Variants in IPMK observed in about 807,000 individuals in gnomAD.
The protein encoded by IPMK is inositol 1,3,4,6-tetrakisphosphate 5-kinase.
IPMK carries 17 observed loss-of-function variants against 45.8 expected under a neutral mutation model. That is an observed-to-expected ratio of 0.37 (90% CI 0.25 to 0.56). The LOEUF is 0.56. Among genes scored for constraint, IPMK ranks in the 20% least tolerant of loss-of-function variants. IPMK has a pLI of 0.79. For synonymous variants in IPMK, 180 were observed against 184.3 expected (o/e 0.98, Z 0.19); for missense variants, 399 against 498.0 (o/e 0.80, Z 1.89).
chr10:58,227,796 A>G (rs573729264), intron 2 of IPMK, among the ~76,000 whole-genome samples: 1 of 151,912 alleles, frequency 6.6e-6, no homozygotes, highest in East Asian at 1.9e-4. Context: ...ACTAGATTCT[A>G]GTTTTCCTAG....
intron 1 of IPMK, among the ~76,000 whole-genome samples, chr10:58,255,257 C>T (rs377002682): frequency 5.9e-5 from 9 of 152,342 alleles, no homozygotes; most frequent in African/African-American, 2.2e-4. Context: ...GTTGGTTCAG[C>T]CCTTCTGGCA....
chr10:58,235,837 AAG>A (rs374625023), intron 2 of IPMK, among the ~76,000 whole-genome samples: 1 of 152,152 alleles, frequency 6.6e-6, no homozygotes, highest in Non-Finnish European at 1.5e-5. Context: ...AAGAAAAAGA[AAG>A]AGAGAGACAA....
At chr10:58,208,984 GCGGGAAAA>G in intron 4 of IPMK, among the ~76,000 whole-genome samples, 1 of 152,304 alleles carries the variant, frequency 6.6e-6, no homozygotes, top group African/African-American at 2.4e-5. Flanking sequence ...TACCAAGTCA[GCGGGAAAA>G]CTATTTACCT....
intron 4 of IPMK, among the ~76,000 whole-genome samples, chr10:58,201,443 T>C (rs1837997106): frequency 6.6e-6 from 1 of 152,188 alleles, no homozygotes; most frequent in Non-Finnish European, 1.5e-5. Context: ...ACTCCTGTGA[T>C]TATTTTGGGA....
chr10:58,204,005 T>G (rs1190187106), intron 4 of IPMK, among the ~76,000 whole-genome samples: 2 of 152,230 alleles, frequency 1.3e-5, no homozygotes, highest in Non-Finnish European at 2.9e-5. Context: ...AACGCTCAGA[T>G]GATCATTAGT....
rs188213208 is a variant in IPMK, at chr10:58,245,395, C to T, written c.191-7581G>A. 1.9e-3 allele frequency among the ~76,000 whole-genome samples: 295 copies of T among 152,048 alleles called. 5 individuals carry two copies. Among genetic ancestry groups the T allele is most frequent in the Admixed American group, 0.016 (241 of 15,292 alleles). On this transcript the variant is annotated intron_variant, in intron 1 of 5. Coordinates refer to ENST00000373935, the MANE Select transcript of IPMK (RefSeq NM_152230.5). ...CTGGGAGGCCAAGACAGCCGGATCA[C>T]GAGGTCAGGAGTTCAAAACCATCCT...
At chr10:58,266,793 T>C (rs922052727) in intron 1 of IPMK, among the ~76,000 whole-genome samples, 2 of 152,156 alleles carry the variant, frequency 1.3e-5, no homozygotes, top group Non-Finnish European at 2.9e-5. Context: ...TCTGGTACAA[T>C]ATGCGTGTGA....
rs1009694216 is a variant in IPMK at position 58,203,675 on chromosome 10, T to C, written c.547-4354A>G. On this transcript the variant is annotated intron_variant, in intron 4 of 5. Transcript: ENST00000373935. ...GGTTTCTTGAGATGGAATCTACTCC[T>C]AGTAAAGATGTTGTAAACATTGTTG... is the stretch of plus-strand genomic sequence containing the variant. Among the ~76,000 whole-genome samples the C allele has an allele frequency of 3.9e-5, 6 of 152,310 alleles. No individual in the cohort carries two copies. The East Asian group carries it at 1.2e-3, about 29-fold the overall frequency.
intron 1 of IPMK, among the ~76,000 whole-genome samples, chr10:58,253,741 AAAAAAAAAAG>A (rs923344321): frequency 7.9e-5 from 11 of 139,418 alleles, no homozygotes; most frequent in African/African-American, 9.1e-5. Context: ...CTCCAAAAAA[AAAAAAAAAAG>A]AAAAAAAAAG....
intron 1 of IPMK, among the ~76,000 whole-genome samples, chr10:58,244,232 A>C (rs7897242): frequency 0.99 from 131,643 of 133,532 alleles, 64,887 homozygotes; most frequent in Admixed American, 0.99. Context: ...AGGAGCGCCT[A>C]TGCCCGGCTG....
intron 2 of IPMK, among the ~76,000 whole-genome samples, chr10:58,230,077 G>C (rs531983848): frequency 6.6e-6 from 1 of 152,158 alleles, no homozygotes; most frequent in Admixed American, 6.5e-5. Flanking sequence ...GTCTGAGATC[G>C]AACTGCGAGG....
At chr10:58,216,063 T>C in intron 4 of IPMK, 82 bp downstream of exon 4, 1 of 854,564 alleles carries the variant, frequency 1.2e-6, no homozygotes, top group Non-Finnish European at 1.7e-6. Context: ...TCTGATATAT[T>C]AGTACTACAA....
At chr10:58,233,469 C>A (rs1339752902) in intron 2 of IPMK, among the ~76,000 whole-genome samples, 1 of 152,176 alleles carries the variant, frequency 6.6e-6, no homozygotes, top group Admixed American at 6.5e-5. Flanking sequence ...AAAAGCTTAT[C>A]CACCATGATC....
chr10:58,193,192 T>C lies in IPMK; in HGVS notation c.*2884A>G, dbSNP rs572201907. 4.6e-5 allele frequency: 7 copies of C among 152,100 alleles called. No individual in the cohort carries two copies. Among genetic ancestry groups the C allele is most frequent in the African/African-American group, 1.7e-4 (7 of 41,564 alleles). The allele number at this position is 152,100 out of a possible 1,614,324, so 9.4% of individuals were successfully genotyped here. ...GGAAATTCCTTTTTCTTAAATGATG[T>C]TATAAATTTGATACATAGACTTGAT... On this transcript the variant is annotated 3_prime_UTR_variant, in exon 6 of 6. Transcript: ENST00000373935.
chr10:58,261,742 C>T (rs996998926), intron 1 of IPMK, among the ~76,000 whole-genome samples: 7 of 152,048 alleles, frequency 4.6e-5, no homozygotes, highest in Admixed American at 6.5e-5. Context: ...CCAACACATC[C>T]GGCTAATTTT....
In IPMK at chr10:58,194,124, T is replaced by C. The variant is rs1395999505; in HGVS notation, c.*1952A>G. ...ACATTAAGATTTTATTGAGCTAAAA[T>C]GTGCAAAAAATCTGACAATACTTAA... On this transcript the variant is annotated 3_prime_UTR_variant, in exon 6 of 6. Transcript: ENST00000373935. 1 of 151,814 alleles carries C rather than the reference T, an allele frequency of 6.6e-6. No individual in the cohort carries two copies. Among genetic ancestry groups the C allele is most frequent in the Admixed American group, 6.6e-5 (1 of 15,264 alleles). The allele number at this position is 151,814 out of a possible 1,614,324, so 9.4% of individuals were successfully genotyped here.
chr10:58,254,531 T>C (rs942483267), intron 1 of IPMK, among the ~76,000 whole-genome samples: 2 of 152,232 alleles, frequency 1.3e-5, no homozygotes, highest in Non-Finnish European at 2.9e-5. Flanking sequence ...AAAAATCTTG[T>C]AGATCTTCAA....
intron 3 of IPMK, among the ~76,000 whole-genome samples, chr10:58,217,540 T>C (rs1217889422): frequency 6.6e-6 from 1 of 151,400 alleles, no homozygotes; most frequent in African/African-American, 2.4e-5. Context: ...AATACAAAAT[T>C]AGCCAGGCAT....
intron 1 of IPMK, among the ~76,000 whole-genome samples, chr10:58,238,209 T>C (rs1305159499): frequency 6.6e-6 from 1 of 152,224 alleles, no homozygotes; most frequent in East Asian, 1.9e-4. Flanking sequence ...GAAAAGAACA[T>C]ATGTGTTAAC....
Sources: allele counts gnomAD v4.1 joint callset (sites outside exome capture counted in the v4.1 genomes callset), GRCh38; gene constraint gnomAD v4.1.1; transcripts MANE v1.5; gene names NCBI Gene and HGNC (gene_info 2026-07-23, HGNC 2026-07-21).